Variants in HS6ST1 observed in about 807,000 individuals in gnomAD.
HS6ST1 encodes the protein heparan-sulfate 6-O-sulfotransferase 1.
HS6ST1 carries 3 observed loss-of-function variants against 25.2 expected under a neutral mutation model. The ratio of observed to expected loss-of-function variants is 0.12; its 90% CI spans 0.05 to 0.31. HS6ST1 has a LOEUF of 0.31. HS6ST1 is among the 10% of genes least tolerant of loss of function. The probability of loss-of-function intolerance (pLI) is 1.00; values close to 1 mark genes in which losing one functional copy is unlikely to be tolerated. For missense variants in HS6ST1, 310 were observed against 609.6 expected, an observed-to-expected ratio of 0.51 and a Z score of 5.18; for synonymous variants, 204 against 275.1, an observed-to-expected ratio of 0.74 and a Z score of 2.56.
rs372108639 is a variant in HS6ST1, at chr2:128,268,478, G to A, written c.920C>T (p.Thr307Met). Residue 307 changes from threonine (T) to methionine (M), a missense_variant, in exon 2 of 2, where the codon ACG becomes ATG. By Grantham distance (81) the Thr-to-Met change is moderately conservative. Transcript: ENST00000259241. ...GGGCCGGATGAACTTGAGGTTGAAC[G>A]TCCGCTCGAACAGGTACTGCGTCTT... ...QRKTQYLFER[T>M]FNLKFIRPFM... 2.3e-5 allele frequency: 37 copies of A among 1,613,158 alleles called. No homozygotes were observed. Among genetic ancestry groups the A allele is most frequent in the South Asian group, 1.1e-4 (10 of 91,038 alleles).
chr2:128,272,160 G>A lies in HS6ST1; in HGVS notation c.528-3290C>T, dbSNP rs570001783. ...CACCCCTGCAAAGCTCAGGGCCTCT[G>A]CCGTGGAGGGGCTGGAGCGTCTACC... is the stretch of plus-strand genomic sequence containing the variant. On this transcript the variant is annotated intron_variant, in intron 1 of 1. Transcript: ENST00000259241. Among the ~76,000 whole-genome samples the A allele has an allele frequency of 7.9e-5, 12 of 152,318 alleles. No individual in the cohort carries two copies. The East Asian group carries it at 2.3e-3, about 29-fold the overall frequency.
rs1484462084 is a variant in HS6ST1, at chr2:128,318,615, G to A, written c.-52C>T. ...CGGGGCGCGGGGCCTGGGAGGGCAGGAGGCGCGGGCGCAGCTGCCTCCGCC... is the reference window on the plus strand; with the variant it reads ...CGGGGCGCGGGGCCTGGGAGGGCAGAAGGCGCGGGCGCAGCTGCCTCCGCC... On this transcript the variant is annotated 5_prime_UTR_variant, in exon 1 of 2. Transcript: ENST00000259241. This position sits in a 1 kb window ranked among gnomAD's most constrained non-coding sequence, Gnocchi z 5.7. 1.4e-5 allele frequency: 13 copies of A among 911,070 alleles called. No homozygotes were observed. Among genetic ancestry groups the A allele is most frequent in the African/African-American group, 1.8e-5 (1 of 55,784 alleles). 56.4% of individuals were successfully genotyped at this position (911,070 alleles called of 1,614,324 possible).
rs1050039320 is a variant in HS6ST1, at chr2:128,312,034, G to C, written c.527+6003C>G. On this transcript the variant is annotated intron_variant, in intron 1 of 1. Transcript: ENST00000259241. ...GGCATGATGCCTGTCCTTCTGCTCT[G>C]AGTGAAGGCTGCCAGGTGTCTTCCA... is the stretch of plus-strand genomic sequence containing the variant. Among the ~76,000 whole-genome samples, 35 of 152,224 alleles carry C rather than the reference G, an allele frequency of 2.3e-4. 1 individual carries two copies. Among genetic ancestry groups the C allele is most frequent in the Admixed American group, 1.9e-3 (29 of 15,282 alleles).
At position 128,315,748 on chromosome 2, in the gene HS6ST1, C is replaced by A. The variant is rs149405238; in HGVS notation, c.527+2289G>T. On this transcript the variant is annotated intron_variant, in intron 1 of 1. Coordinates refer to ENST00000259241, the MANE Select transcript of HS6ST1 (RefSeq NM_004807.3). The stretch of plus-strand genomic sequence containing the variant: ...CCAGAAGACTCAGGTGGCGGGGCAG[C>A]GCTCAGCAGGTGGACCTCAGTGCAG... 2.8e-3 allele frequency among the ~76,000 whole-genome samples: 429 copies of A among 152,292 alleles called. 7 individuals are homozygous for A. Among genetic ancestry groups the A allele is most frequent in the Admixed American group, 0.022 (338 of 15,302 alleles).
At chr2:128,282,534 G>A (rs1218187065) in intron 1 of HS6ST1, among the ~76,000 whole-genome samples, 1 of 152,224 alleles carries the variant, frequency 6.6e-6, no homozygotes. Flanking sequence ...CTCCGCCAGC[G>A]TCCTAATGGC....
chr2:128,312,777 T>A (rs1218981377), intron 1 of HS6ST1, among the ~76,000 whole-genome samples: 1 of 152,122 alleles, frequency 6.6e-6, no homozygotes, highest in Non-Finnish European at 1.5e-5. Flanking sequence ...AAATTCACAA[T>A]AGGCTGGTGC....
intron 1 of HS6ST1, among the ~76,000 whole-genome samples, chr2:128,275,650 AG>A (rs1182010193): frequency 6.6e-6 from 1 of 152,264 alleles, no homozygotes; most frequent in Non-Finnish European, 1.5e-5. Context: ...GCAGAGGCAC[AG>A]GAAGCCACAG....
chr2:128,270,985 G>A (rs987083423), intron 1 of HS6ST1, among the ~76,000 whole-genome samples: 3 of 152,176 alleles, frequency 2.0e-5, no homozygotes, highest in South Asian at 2.1e-4. Context: ...GCCCACAGGC[G>A]GGTCCTTCAG....
intron 1 of HS6ST1, among the ~76,000 whole-genome samples, chr2:128,270,762 A>G (rs979158195): frequency 6.6e-6 from 1 of 152,284 alleles, no homozygotes; most frequent in Middle Eastern, 3.4e-3. Flanking sequence ...CCAGTGTGGC[A>G]GGTTTCTTCT....
chr2:128,305,618 C>A (rs575821346), intron 1 of HS6ST1, among the ~76,000 whole-genome samples: 8 of 152,368 alleles, frequency 5.3e-5, no homozygotes, highest in African/African-American at 1.9e-4. Flanking sequence ...CACTCTCACT[C>A]TGGGGCCTAC....
At chr2:128,310,341 C>A (rs1165008219) in intron 1 of HS6ST1, among the ~76,000 whole-genome samples, 1 of 152,238 alleles carries the variant, frequency 6.6e-6, no homozygotes, top group Non-Finnish European at 1.5e-5. Flanking sequence ...AGCCCCAGAC[C>A]ACACGCTGTG....
In HS6ST1 at chr2:128,267,938, C is replaced by T. The variant is rs572225637; in HGVS notation, c.*224G>A. 955 of 601,274 alleles carry T rather than the reference C, an allele frequency of 1.6e-3. No individual in the cohort carries two copies. Among genetic ancestry groups the T allele is most frequent in the South Asian group, 2.3e-3 (116 of 50,008 alleles). 37.2% of individuals were successfully genotyped at this position (601,274 alleles called of 1,614,324 possible). A position where few individuals can be genotyped will look rare whatever the true frequency, so the allele number is the denominator to read the frequency against. ...GCCCTGCCCTGACCATGGCATCCTTCGAGCACGCTTTCCTCTGACCCACTG... is the reference window on the plus strand; with the variant it reads ...GCCCTGCCCTGACCATGGCATCCTTTGAGCACGCTTTCCTCTGACCCACTG... On this transcript the variant is annotated 3_prime_UTR_variant, in exon 2 of 2. Coordinates refer to ENST00000259241, the MANE Select transcript of HS6ST1 (RefSeq NM_004807.3).
chr2:128,317,037 G>C (rs1017607769), intron 1 of HS6ST1, among the ~76,000 whole-genome samples: 10 of 152,238 alleles, frequency 6.6e-5, no homozygotes, highest in African/African-American at 2.4e-4. Context: ...AAGAAGCCCT[G>C]CTCCTGGCCC....
At chr2:128,282,027 C>A (rs1406897009) in intron 1 of HS6ST1, among the ~76,000 whole-genome samples, 1 of 152,208 alleles carries the variant, frequency 6.6e-6, no homozygotes, top group Non-Finnish European at 1.5e-5. Flanking sequence ...ACCTGCTGAG[C>A]CACAGCCTCC....
intron 1 of HS6ST1, among the ~76,000 whole-genome samples, chr2:128,298,757 T>C (rs996749450): frequency 5.3e-5 from 8 of 152,204 alleles, no homozygotes; most frequent in Non-Finnish European, 1.0e-4. Context: ...AATGTGAATG[T>C]ACTTCATGCC....
At position 128,266,183 on chromosome 2, in the gene HS6ST1, C is replaced by G. The variant is rs1308424613; in HGVS notation, c.*1979G>C. 1 of 152,102 alleles carries G rather than the reference C, an allele frequency of 6.6e-6. No homozygotes were observed. The highest frequency in any genetic ancestry group is 1.5e-5 in the Non-Finnish European group (1 of 67,994). The allele number at this position is 152,102 out of a possible 1,614,324, so 9.4% of individuals were successfully genotyped here. A position where few individuals can be genotyped will look rare whatever the true frequency, so the allele number is the denominator to read the frequency against. On this transcript the variant is annotated 3_prime_UTR_variant, in exon 2 of 2. Transcript: ENST00000259241. ...TGAGCCAGGCCTCTGGCTGGGTGTC[C>G]ACCTCCTGCCGGGAAGCCAAGGTGC... is the stretch of plus-strand genomic sequence containing the variant.
At chr2:128,298,732 T>C (rs1041040820) in intron 1 of HS6ST1, among the ~76,000 whole-genome samples, 3 of 152,172 alleles carry the variant, frequency 2.0e-5, no homozygotes, top group African/African-American at 7.2e-5. Context: ...AGACGGATGA[T>C]GGTGATGACT....
chr2:128,305,780 C>T (rs962247363), intron 1 of HS6ST1, among the ~76,000 whole-genome samples: 1 of 152,362 alleles, frequency 6.6e-6, no homozygotes, highest in East Asian at 1.9e-4. Context: ...TTCCAGCAGG[C>T]CACTCATTCA....
chr2:128,307,156 G>C (rs1694225845), intron 1 of HS6ST1, among the ~76,000 whole-genome samples: 2 of 152,128 alleles, frequency 1.3e-5, no homozygotes, highest in South Asian at 4.1e-4. Flanking sequence ...CGCTGTGAGG[G>C]GCCCTGGCAC....
Sources: gnomAD v4.1 joint callset for allele counts (sites outside exome capture counted in the v4.1 genomes callset) on GRCh38, gnomAD v4.1.1 for gene constraint, Gnocchi (gnomAD v3.1) non-coding constraint, MANE v1.5 for transcripts, NCBI Gene and HGNC (gene_info 2026-07-23, HGNC 2026-07-21) for gene names.